CHLSN: variants seen among roughly 807,000 people sequenced by gnomAD.
CHLSN encodes the protein protein cholesin.
At chr7:1,131,549 C>CTT in the CHLSN span, among the ~76,000 whole-genome samples, 12 of 152,206 alleles carry the variant, frequency 7.9e-5, no homozygotes, top group African/African-American at 2.9e-4. Context: ...TTAATTGAGC[C>CTT]TTATCTTTAA....
chr7:1,002,136 T>C, the CHLSN span, among the ~76,000 whole-genome samples: 4 of 121,376 alleles, frequency 3.3e-5, no homozygotes, highest in East Asian at 2.9e-4. Flanking sequence ...TGGAGCCCTG[T>C]GGGTGAGTGG....
the CHLSN span, among the ~76,000 whole-genome samples, chr7:1,013,441 G>C: frequency 1.3e-5 from 2 of 152,302 alleles, no homozygotes; most frequent in East Asian, 1.9e-4. Context: ...TTCAGGCCTA[G>C]GATGCAAAGC....
At chr7:1,006,089 C>T in the CHLSN span, among the ~76,000 whole-genome samples, 21 of 152,360 alleles carry the variant, frequency 1.4e-4, no homozygotes, top group African/African-American at 2.6e-4. Context: ...CAGGCTTGCC[C>T]GCTGACAGCC....
chr7:1,123,589 G>T, the CHLSN span, among the ~76,000 whole-genome samples: 1 of 151,892 alleles, frequency 6.6e-6, no homozygotes, highest in African/African-American at 2.4e-5. This position sits in a 1 kb window ranked among gnomAD's most constrained non-coding sequence, Gnocchi z 4.4. Flanking sequence ...TTCACAAAAC[G>T]CTTGAAACTT....
At chr7:997,596 G>A in the CHLSN span, 1 of 1,500,676 alleles carries the variant, frequency 6.7e-7, no homozygotes, top group African/African-American at 1.4e-5. Flanking sequence ...CCCTGCACTG[G>A]GCAGCGGCCC....
At chr7:1,114,865 T>A in the CHLSN span, among the ~76,000 whole-genome samples, 1 of 152,220 alleles carries the variant, frequency 6.6e-6, no homozygotes, top group African/African-American at 2.4e-5. Context: ...GAGCTGCCCC[T>A]GCCCCGCACA....
chr7:1,044,639 G>A, the CHLSN span: 1 of 151,748 alleles, frequency 6.6e-6, no homozygotes, highest in African/African-American at 2.4e-5. Context: ...CGACTGCGCC[G>A]GCCGCCGCCC....
At chr7:1,051,849 A>G in the CHLSN span, among the ~76,000 whole-genome samples, 267 of 152,324 alleles carry the variant, frequency 1.8e-3, no homozygotes, top group African/African-American at 5.8e-3. Flanking sequence ...GTAGTGGCAC[A>G]TGCCTGTAGT....
At chr7:988,392 G>A in the CHLSN span, 46 of 1,612,534 alleles carry the variant, frequency 2.9e-5, no homozygotes, top group African/African-American at 2.9e-4. Flanking sequence ...TTTGTGAAGC[G>A]GGAGGCCTTC....
At chr7:1,072,706 G>C in the CHLSN span, among the ~76,000 whole-genome samples, 19 of 133,770 alleles carry the variant, frequency 1.4e-4, no homozygotes, top group Non-Finnish European at 2.8e-4. Context: ...TTTTGAGATG[G>C]AGTCTCGCTC....
chr7:983,067 TG>T, the CHLSN span: 1 of 629,160 alleles, frequency 1.6e-6, no homozygotes, highest in Non-Finnish European at 2.3e-6. Flanking sequence ...AGCCATCCGC[TG>T]GGGGCTGCCC....
At chr7:999,530 G>A in the CHLSN span, among the ~76,000 whole-genome samples, 13 of 152,296 alleles carry the variant, frequency 8.5e-5, no homozygotes, top group East Asian at 9.6e-4. Flanking sequence ...AACTGTGGTC[G>A]TGTCACTGCA....
chr7:1,107,780 A>ATGTGTCC, the CHLSN span, among the ~76,000 whole-genome samples: 7 of 140,452 alleles, frequency 5.0e-5, no homozygotes, highest in East Asian at 6.6e-4. Context: ...GCTGTGTCCC[A>ATGTGTCC]CACTGGAGTC....
chr7:986,867 TGG>T, the CHLSN span: 321 of 1,427,684 alleles, frequency 2.2e-4, 1 homozygote, highest in South Asian at 4.6e-4. Flanking sequence ...GGAGCACGGC[TGG>T]GGAGGGGTCC....
chr7:1,130,767 T>A, the CHLSN span, among the ~76,000 whole-genome samples: 1 of 151,998 alleles, frequency 6.6e-6, no homozygotes, highest in African/African-American at 2.4e-5. Flanking sequence ...AGACAGGAGC[T>A]CAACAACCAG....
the CHLSN span, among the ~76,000 whole-genome samples, chr7:1,008,777 C>CACACACGCACATGTACACACGT: frequency 3.3e-5 from 5 of 151,938 alleles, no homozygotes; most frequent in South Asian, 8.3e-4. Flanking sequence ...AACACACACG[C>CACACACGCACATGTACACACGT]ACACACGCAC....
chr7:992,176 C>T, the CHLSN span, among the ~76,000 whole-genome samples: 1 of 151,416 alleles, frequency 6.6e-6, no homozygotes, highest in African/African-American at 2.4e-5. Flanking sequence ...GGACGCCGAC[C>T]CCGGCCCCTG....
At chr7:1,044,466 G>GGGGCGGAGGCCA in the CHLSN span, 1 of 152,348 alleles carries the variant, frequency 6.6e-6, no homozygotes, top group Non-Finnish European at 1.5e-5. Flanking sequence ...GCGGGGCCGG[G>GGGGCGGAGGCCA]GGGCGGAGGC....
chr7:1,016,552 C>T, the CHLSN span, among the ~76,000 whole-genome samples: 32,303 of 114,864 alleles, frequency 0.28, 6,115 homozygotes, highest in African/African-American at 0.44. Flanking sequence ...CGCACGCCAG[C>T]GCACAGCAGC....
Sources: allele counts gnomAD v4.1 joint callset (sites outside exome capture counted in the v4.1 genomes callset), GRCh38; gene constraint gnomAD v4.1.1; non-coding constraint Gnocchi (gnomAD v3.1); transcripts MANE v1.5; gene names NCBI Gene and HGNC (gene_info 2026-07-23, HGNC 2026-07-21).